The following ATG10 variants were observed in gnomAD, a reference collection of about 807,000 sequenced individuals.
ATG10 encodes ubiquitin-like-conjugating enzyme ATG10.
A neutral mutation model predicts 32.1 loss-of-function variants in ATG10; 30 were observed. The observed-to-expected ratio is 0.94, with a 90% CI of 0.70 to 1.27. The LOEUF is 1.27. ATG10 is among the 50% of genes most tolerant of loss of function. The pLI is 0.00. For missense variants in ATG10, 233 were observed against 262.3 expected (o/e 0.89, Z 0.77); for synonymous variants, 87 against 91.5 (o/e 0.95, Z 0.28).
intron 3 of ATG10, among the ~76,000 whole-genome samples, chr5:82,129,814 A>T (rs541865757): frequency 6.6e-6 from 1 of 152,096 alleles, no homozygotes; most frequent in Non-Finnish European, 1.5e-5. Flanking sequence ...GTCAGGAGTC[A>T]GGGGGGTCAG....
At chr5:82,183,133 A>G (rs1260835362) in intron 5 of ATG10, among the ~76,000 whole-genome samples, 1 of 152,150 alleles carries the variant, frequency 6.6e-6, no homozygotes, top group Non-Finnish European at 1.5e-5. Flanking sequence ...AAAAAACATA[A>G]CCACAATTCT....
In ATG10 at chr5:82,210,908, A is replaced by T. The variant is rs562399358; in HGVS notation, c.453+32321A>T. Among the ~76,000 whole-genome samples, 19 of 152,308 alleles carry T rather than the reference A, an allele frequency of 1.2e-4. No homozygotes were observed. The South Asian group carries it at 2.3e-3, about 18-fold the overall frequency. On this transcript the variant is annotated intron_variant, in intron 5 of 7. Transcript: ENST00000282185. ...GAGAGTTTGGAGGCAGGGAGAGTTA[A>T]TATAGTTTCTATCTTTCTTCCTTTC...
intron 2 of ATG10, among the ~76,000 whole-genome samples, chr5:82,014,713 C>T (rs1561255065): frequency 6.6e-6 from 1 of 152,112 alleles, no homozygotes; most frequent in Non-Finnish European, 1.5e-5. Context: ...TATTTTGAGC[C>T]TATGTGTGTC....
chr5:82,062,275 A>T (rs796322788), intron 3 of ATG10, among the ~76,000 whole-genome samples: 5 of 152,236 alleles, frequency 3.3e-5, no homozygotes, highest in African/African-American at 1.2e-4. Flanking sequence ...CGGGAATGGA[A>T]TCGGATGATA....
intron 3 of ATG10, among the ~76,000 whole-genome samples, chr5:82,139,739 G>A (rs1157263501): frequency 7.5e-6 from 1 of 133,790 alleles, no homozygotes; most frequent in African/African-American, 2.9e-5. Context: ...TGCCCGGCCA[G>A]CCGCCCCGTC....
At chr5:82,128,910 G>T (rs1420048157) in intron 3 of ATG10, among the ~76,000 whole-genome samples, 3 of 151,672 alleles carry the variant, frequency 2.0e-5, no homozygotes, top group Non-Finnish European at 4.4e-5. Context: ...GGCCTGTCTT[G>T]CTAGGTTGGG....
At chr5:82,213,154 G>A (rs115121066) in intron 5 of ATG10, among the ~76,000 whole-genome samples, 1,665 of 152,184 alleles carry the variant, frequency 0.011, 25 homozygotes, top group Admixed American at 0.033. Context: ...AACTTTTTGC[G>A]TCTATTTATT....
chr5:82,044,202 T>C (rs1005183784), intron 2 of ATG10, among the ~76,000 whole-genome samples: 1 of 152,024 alleles, frequency 6.6e-6, no homozygotes, highest in Non-Finnish European at 1.5e-5. Flanking sequence ...CAGGCACATC[T>C]TCACAATGAC....
intron 3 of ATG10, among the ~76,000 whole-genome samples, chr5:82,063,415 A>G (rs975918956): frequency 1.4e-4 from 21 of 152,194 alleles, no homozygotes; most frequent in East Asian, 1.9e-4. Flanking sequence ...AGAAGATACT[A>G]TGACAATTTA....
intron 3 of ATG10, among the ~76,000 whole-genome samples, chr5:82,090,051 T>C (rs1239775219): frequency 1.4e-5 from 2 of 139,176 alleles, no homozygotes; most frequent in African/African-American, 5.1e-5. Context: ...TACACACCTA[T>C]CCAAATGCCT....
At chr5:82,002,589 C>T (rs1308204250) in intron 2 of ATG10, among the ~76,000 whole-genome samples, 1 of 152,234 alleles carries the variant, frequency 6.6e-6, no homozygotes, top group Non-Finnish European at 1.5e-5. Flanking sequence ...AGGGGCTAAA[C>T]ATTGAGTACA....
intron 3 of ATG10, among the ~76,000 whole-genome samples, chr5:82,149,361 A>ATGT (rs1467766781): frequency 6.7e-6 from 1 of 149,988 alleles, no homozygotes; most frequent in Admixed American, 6.6e-5. Flanking sequence ...CTTTCCAAAT[A>ATGT]GATTATTTAC....
intron 3 of ATG10, among the ~76,000 whole-genome samples, chr5:82,143,222 C>T (rs1468552004): frequency 6.6e-6 from 1 of 152,192 alleles, no homozygotes; most frequent in Non-Finnish European, 1.5e-5. Context: ...AACATCTATG[C>T]CAAAGTTTTT....
chr5:82,253,579 C>CA, intron 7 of ATG10, 150 bp downstream of exon 7: 1 of 612,564 alleles, frequency 1.6e-6, no homozygotes, highest in Non-Finnish European at 2.9e-6. Context: ...AGTCCCCTAC[C>CA]AAGTTATTTA....
chr5:81,975,514 CTACAAAAAA>C (rs1269859425), intron 1 of ATG10, among the ~76,000 whole-genome samples: 1 of 152,084 alleles, frequency 6.6e-6, no homozygotes, highest in African/African-American at 2.4e-5. Flanking sequence ...AACCCTGTCT[CTACAAAAAA>C]TACAAAAAAT....
intron 5 of ATG10, among the ~76,000 whole-genome samples, chr5:82,232,610 T>C (rs1397067436): frequency 6.6e-6 from 1 of 152,198 alleles, no homozygotes; most frequent in African/African-American, 2.4e-5. Context: ...GTCACCAATA[T>C]ATCTCAAATC....
chr5:82,026,813 C>A (rs1370960613), intron 2 of ATG10, among the ~76,000 whole-genome samples: 1 of 152,118 alleles, frequency 6.6e-6, no homozygotes, highest in Non-Finnish European at 1.5e-5. Flanking sequence ...GTAGTCCCAG[C>A]ACTTTGGGAG....
At chr5:82,130,558 T>G (rs1766477420) in intron 3 of ATG10, among the ~76,000 whole-genome samples, 1 of 152,048 alleles carries the variant, frequency 6.6e-6, no homozygotes, top group African/African-American at 2.4e-5. Context: ...GCACCATTCC[T>G]TAAGGCACAG....
At chr5:82,008,829 T>TTATATATA (rs1762052492) in intron 2 of ATG10, among the ~76,000 whole-genome samples, 1 of 152,252 alleles carries the variant, frequency 6.6e-6, no homozygotes, top group Admixed American at 6.5e-5. Flanking sequence ...CTAATCTGAC[T>TTATATATA]TATATATACT....
Sources: gnomAD v4.1 joint callset for allele counts (sites outside exome capture counted in the v4.1 genomes callset) on GRCh38, gnomAD v4.1.1 for gene constraint, MANE v1.5 for transcripts, NCBI Gene and HGNC (gene_info 2026-07-23, HGNC 2026-07-21) for gene names.